ATP2C2: variants seen among roughly 807,000 people sequenced by gnomAD.
The protein encoded by ATP2C2 is calcium-transporting ATPase type 2C member 2.
In ATP2C2, 171 loss-of-function variants were observed where a neutral mutation model predicts 110.8. The observed-to-expected ratio is 1.54, with a 90% CI of 1.36 to 1.75. The LOEUF (loss-of-function observed/expected upper bound fraction) is 1.75. Ranked by LOEUF, ATP2C2 falls within the 40% of genes most tolerant of loss-of-function variation. ATP2C2 has a pLI of 0.00. For synonymous variants in ATP2C2, 804 were observed against 508.4 expected, an observed-to-expected ratio of 1.58 and a Z score of -7.82; for missense variants, 1,963 against 1,235.0, an observed-to-expected ratio of 1.59 and a Z score of -8.84.
chr16:84,460,926 A>G, intron 24 of ATP2C2, 125 bp downstream of exon 24: 1 of 1,332,842 alleles, frequency 7.5e-7, no homozygotes, highest in South Asian at 1.5e-5. Context: ...CACACCGGAC[A>G]ATGTGATGCC....
intron 24 of ATP2C2, chr16:84,461,437 C>A (rs62050918): frequency 0.016 from 8,908 of 564,346 alleles, 114 homozygotes; most frequent in Middle Eastern, 0.051. Flanking sequence ...GCATCACCTC[C>A]CAGGGAGACA....
Position 84,448,555 on chromosome 16 carries a change from T to A in ATP2C2, c.1526T>A (p.Met509Lys). The A allele has an allele frequency of 1.2e-6, 2 of 1,612,512 alleles. No homozygotes were observed. Among genetic ancestry groups the A allele is most frequent in the Non-Finnish European group, 1.7e-6 (2 of 1,179,062 alleles). ...KTEDQEDIYF[M>K]KGALEEVIRY... The stretch of plus-strand genomic sequence containing the variant: ...AAGGATCAGGAAGACATTTACTTCA[T>A]GAAAGGGGCCTTGGAAGAGGTGATC... Residue 509 changes from methionine (M) to lysine (K), a missense_variant, in exon 17 of 27, where the codon ATG (methionine) becomes AAG (lysine). Coordinates refer to ENST00000262429, the MANE Select transcript of ATP2C2 (RefSeq NM_014861.4).
intron 7 of ATP2C2, among the ~76,000 whole-genome samples, chr16:84,418,496 A>G (rs1907033601): frequency 6.6e-6 from 1 of 152,188 alleles, no homozygotes; most frequent in Non-Finnish European, 1.5e-5. Context: ...AATATTTTTC[A>G]GTATAACAGG....
intron 20 of ATP2C2, 78 bp downstream of exon 20, chr16:84,453,449 C>T: frequency 6.3e-7 from 1 of 1,577,786 alleles, no homozygotes; most frequent in Non-Finnish European, 8.7e-7. Context: ...GCTCATGCGT[C>T]CGTCGGGTGA....
At chr16:84,437,742 C>T (rs1038987542) in intron 11 of ATP2C2, among the ~76,000 whole-genome samples, 3 of 152,130 alleles carry the variant, frequency 2.0e-5, no homozygotes, top group Admixed American at 6.5e-5. Context: ...TCTCAAACTC[C>T]TGACCTCAGG....
intron 2 of ATP2C2, chr16:84,404,572 A>G: frequency 4.1e-6 from 1 of 241,258 alleles, no homozygotes; most frequent in Non-Finnish European, 8.2e-6. Context: ...GTGTGTGTAC[A>G]CCATGTTTCA....
intron 1 of ATP2C2, among the ~76,000 whole-genome samples, chr16:84,397,671 A>AAAAAAAAAAAAC (rs1567694790): frequency 7.2e-6 from 1 of 139,412 alleles, no homozygotes; most frequent in East Asian, 2.1e-4. Context: ...AAAAAAAAAA[A>AAAAAAAAAAAAC]AACTTGCTTA....
intron 1 of ATP2C2, among the ~76,000 whole-genome samples, chr16:84,372,863 G>T (rs902868760): frequency 7.2e-5 from 11 of 152,078 alleles, no homozygotes; most frequent in Middle Eastern, 3.4e-3. Context: ...ACTCACTCCT[G>T]TTTTCCCAGC....
intron 11 of ATP2C2, among the ~76,000 whole-genome samples, chr16:84,438,741 A>G (rs1908969858): frequency 6.6e-6 from 1 of 152,200 alleles, no homozygotes. Context: ...CACTACACTC[A>G]TGAAAAGTGA....
intron 6 of ATP2C2, among the ~76,000 whole-genome samples, chr16:84,412,368 G>GTGCA (rs1555557506): frequency 9.1e-6 from 1 of 110,102 alleles, no homozygotes; most frequent in African/African-American, 3.1e-5. Context: ...GTGTGCATGT[G>GTGCA]TGTGTGCGTG....
intron 11 of ATP2C2, among the ~76,000 whole-genome samples, chr16:84,429,931 G>A (rs1475791063): frequency 2.6e-5 from 4 of 152,186 alleles, no homozygotes; most frequent in Admixed American, 1.3e-4. Context: ...ATGCTTCTCA[G>A]CTTCTGGTGT....
intron 6 of ATP2C2, among the ~76,000 whole-genome samples, chr16:84,414,561 T>C (rs1263349897): frequency 6.6e-6 from 1 of 152,180 alleles, no homozygotes; most frequent in Non-Finnish European, 1.5e-5. Flanking sequence ...CAGTGTTGCA[T>C]GATGTGCTGA....
At position 84,446,361 on chromosome 16, in the gene ATP2C2, A is replaced by T. The variant is rs2150575111; in HGVS notation, c.1434A>T (p.Ile478=). Reference sequence around the variant, plus strand: ...TAAGTGATATTAAAAATTCATATATAAGAAAAAAAGAGATTCCATTCAGTT... The same window carrying T: ...TAAGTGATATTAAAAATTCATATATTAGAAAAAAAGAGATTCCATTCAGTT... ...MDLSDIKNSY[I]RKKEIPFSSE... The change falls in exon 16 of 27, where the codon ATA becomes ATT. Residue 478 remains isoleucine (I), a synonymous_variant. Transcript: ENST00000262429. The T allele has an allele frequency of 6.3e-7, 1 of 1,598,828 alleles. No homozygotes were observed. Among genetic ancestry groups the T allele is most frequent in the Non-Finnish European group, 8.5e-7 (1 of 1,174,742 alleles).
intron 1 of ATP2C2, among the ~76,000 whole-genome samples, chr16:84,395,051 C>T (rs751231234): frequency 1.3e-5 from 2 of 152,086 alleles, no homozygotes; most frequent in African/African-American, 2.4e-5. Flanking sequence ...CTCCATAATC[C>T]GTGGATGGGC....
chr16:84,390,490 G>C (rs947880722), intron 1 of ATP2C2, among the ~76,000 whole-genome samples: 2 of 152,212 alleles, frequency 1.3e-5, no homozygotes, highest in African/African-American at 4.8e-5. Context: ...CGTCGCCCGC[G>C]TGGGTCTATC....
chr16:84,403,619 G>C (rs1905492861), intron 2 of ATP2C2, among the ~76,000 whole-genome samples: 1 of 152,114 alleles, frequency 6.6e-6, no homozygotes, highest in Non-Finnish European at 1.5e-5. Context: ...TAACCATTTT[G>C]AAGTGTACAT....
intron 7 of ATP2C2, among the ~76,000 whole-genome samples, chr16:84,418,157 C>T (rs1026518094): frequency 6.6e-6 from 1 of 152,158 alleles, no homozygotes; most frequent in African/African-American, 2.4e-5. Flanking sequence ...GATGGGACTC[C>T]AAGTGACGCT....
At chr16:84,400,292 A>C (rs1324968119) in intron 2 of ATP2C2, among the ~76,000 whole-genome samples, 1 of 150,852 alleles carries the variant, frequency 6.6e-6, no homozygotes, top group Non-Finnish European at 1.5e-5. Flanking sequence ...TAGGAGTGGG[A>C]CTGGGGATCA....
At chr16:84,418,617 C>T (rs181012144) in intron 7 of ATP2C2, among the ~76,000 whole-genome samples, 13 of 152,328 alleles carry the variant, frequency 8.5e-5, no homozygotes, top group Admixed American at 2.6e-4. Flanking sequence ...CACAGCAGCC[C>T]GCAGAGGTTG....
Sources: allele counts gnomAD v4.1 joint callset (sites outside exome capture counted in the v4.1 genomes callset), GRCh38; gene constraint gnomAD v4.1.1; transcripts MANE v1.5; gene names NCBI Gene and HGNC (gene_info 2026-07-23, HGNC 2026-07-21).